PID1: variants seen among roughly 807,000 people sequenced by gnomAD.
PID1 encodes phosphotyrosine interaction domain containing 1.
PID1 carries 10 observed loss-of-function variants against 19.1 expected under a neutral mutation model. The ratio of observed to expected loss-of-function variants is 0.52; its 90% CI spans 0.32 to 0.89. PID1 has a LOEUF of 0.89. Ranked by LOEUF, PID1 falls within the 40% of genes least tolerant of loss-of-function variation. The pLI is 0.03. For missense variants in PID1, 248 were observed against 285.3 expected, an observed-to-expected ratio of 0.87 and a Z score of 0.94; for synonymous variants, 130 against 116.0, an observed-to-expected ratio of 1.12 and a Z score of -0.78.
chr2:229,041,466 C>T lies in PID1; in HGVS notation c.178-15358G>A, dbSNP rs116689737. 6.8e-3 allele frequency among the ~76,000 whole-genome samples: 1,030 copies of T among 152,062 alleles called. 13 individuals carry two copies. Among genetic ancestry groups the T allele is most frequent in the African/African-American group, 0.024 (991 of 41,476 alleles). ...AATTGTAGGAAGAAAAAGAAAAGTT[C>T]CTATACTAGAACACAAACTAATAAA... On this transcript the variant is annotated intron_variant, in intron 2 of 2. Coordinates refer to ENST00000392055, the MANE Select transcript of PID1 (RefSeq NM_001100818.2).
At chr2:229,152,062 C>A (rs1287966581) in intron 2 of PID1, among the ~76,000 whole-genome samples, 1 of 152,174 alleles carries the variant, frequency 6.6e-6, no homozygotes. Context: ...GCTTTCTGGA[C>A]TGCCATAGCA....
intron 1 of PID1, among the ~76,000 whole-genome samples, chr2:229,222,554 G>C (rs766143505): frequency 4.6e-5 from 7 of 152,084 alleles, no homozygotes; most frequent in Non-Finnish European, 1.0e-4. Flanking sequence ...GTTAAACATT[G>C]CTCATGTCTA....
chr2:229,261,800 C>T (rs1052771233), intron 1 of PID1, among the ~76,000 whole-genome samples: 4 of 152,150 alleles, frequency 2.6e-5, no homozygotes, highest in African/African-American at 9.7e-5. Flanking sequence ...AGGCTCCCTG[C>T]CTTCGTCTCA....
chr2:229,258,335 A>G (rs983950013), intron 1 of PID1, among the ~76,000 whole-genome samples: 5 of 152,254 alleles, frequency 3.3e-5, no homozygotes, highest in Non-Finnish European at 5.9e-5. Flanking sequence ...GAGATGGATG[A>G]AAAATGTCAT....
chr2:229,072,594 G>GA (rs71043088), intron 2 of PID1, among the ~76,000 whole-genome samples: 78 of 136,218 alleles, frequency 5.7e-4, no homozygotes, highest in Admixed American at 5.9e-4. Context: ...TCTCAAAAAA[G>GA]AAAAAAAAAA....
intron 1 of PID1, among the ~76,000 whole-genome samples, chr2:229,163,682 C>CGT (rs78599845): frequency 1.9e-5 from 1 of 51,420 alleles, no homozygotes; most frequent in Admixed American, 2.7e-4. Flanking sequence ...TGTGCGTGTG[C>CGT]GTGTGTGTGT....
chr2:229,131,129 T>C (rs1689729853), intron 2 of PID1, among the ~76,000 whole-genome samples: 1 of 152,236 alleles, frequency 6.6e-6, no homozygotes, highest in Non-Finnish European at 1.5e-5. Flanking sequence ...GGGTTAAGAC[T>C]TCAATTCTGA....
Position 229,227,701 on chromosome 2 carries a change from A to G in PID1, c.30+43313T>C, listed in dbSNP as rs1157064321. ...TCTTTCTTCATCCCTAAACATAAAT[A>G]TAGTTGGCCCTCTGTACCTGTGGGT... On this transcript the variant is annotated intron_variant, in intron 1 of 2. Transcript: ENST00000392055. 3.3e-5 allele frequency among the ~76,000 whole-genome samples: 5 copies of G among 152,258 alleles called. No individual in the cohort carries two copies. In the South Asian group the frequency reaches 8.3e-4, roughly 25 times the overall value.
At chr2:229,163,958 T>C (rs1217654289) in intron 1 of PID1, among the ~76,000 whole-genome samples, 1 of 152,198 alleles carries the variant, frequency 6.6e-6, no homozygotes. Flanking sequence ...TTTTCAAAAA[T>C]TGAGATACAT....
intron 2 of PID1, among the ~76,000 whole-genome samples, chr2:229,046,347 AGTGTGTGTGTGTGTGTGTGT>A (rs35091766): frequency 7.1e-6 from 1 of 141,284 alleles, no homozygotes; most frequent in Admixed American, 7.1e-5. Flanking sequence ...AAATTAGGAA[AGTGTGTGTGTGTGTGTGTGT>A]GTGTGTGTGT....
In PID1 at chr2:229,270,955, T is replaced by C. The variant is rs902549168; in HGVS notation, c.30+59A>G. On this transcript the variant is annotated intron_variant, in intron 1 of 2. Transcript: ENST00000392055. ...AAAGTAGGCAGAAGCAAAAACTAGG[T>C]TCCTCTGCCCGGGCACCTCCTCCTC... The C allele has an allele frequency of 7.5e-6, 11 of 1,465,068 alleles. No homozygotes were observed. The African/African-American group carries it at 1.6e-4, about 22-fold the overall frequency. The allele number at this position is 1,465,068 out of a possible 1,614,324, so 90.8% of individuals were successfully genotyped here.
chr2:229,078,185 T>C (rs80342643), intron 2 of PID1, among the ~76,000 whole-genome samples: 1 of 152,240 alleles, frequency 6.6e-6, no homozygotes, highest in Non-Finnish European at 1.5e-5. Flanking sequence ...AGTTTGCTCA[T>C]GATTTGGCTC....
intron 2 of PID1, among the ~76,000 whole-genome samples, chr2:229,141,394 G>A (rs546730516): frequency 1.3e-5 from 2 of 152,172 alleles, no homozygotes; most frequent in East Asian, 3.9e-4. Flanking sequence ...ATAAAGAGGG[G>A]AGAACAGAAG....
chr2:229,099,638 G>A (rs1000217039), intron 2 of PID1, among the ~76,000 whole-genome samples: 1 of 152,118 alleles, frequency 6.6e-6, no homozygotes, highest in Non-Finnish European at 1.5e-5. Context: ...CCAAGAGGAA[G>A]TGGCACTAAG....
intron 2 of PID1, among the ~76,000 whole-genome samples, chr2:229,137,039 C>A (rs968493472): frequency 3.9e-5 from 6 of 152,130 alleles, no homozygotes; most frequent in African/African-American, 1.4e-4. Context: ...GGGAGAAATG[C>A]AAAGGGAAGA....
chr2:229,199,638 A>G (rs373297495), intron 1 of PID1, among the ~76,000 whole-genome samples: 3 of 151,298 alleles, frequency 2.0e-5, no homozygotes, highest in African/African-American at 7.3e-5. Context: ...TCTATAAACT[A>G]TCTCCATGAT....
intron 1 of PID1, among the ~76,000 whole-genome samples, chr2:229,192,112 C>A (rs1691272962): frequency 6.6e-6 from 1 of 151,822 alleles, no homozygotes; most frequent in South Asian, 2.1e-4. Flanking sequence ...GAAAGCCAAA[C>A]CAAAAAAATA....
chr2:229,155,860 C>A lies in PID1; in HGVS notation c.135G>T (p.Thr45=). ...FHEPEAIELC[T]TTPLMKTRTH... is the part of the protein sequence containing the mutation. Reference sequence around the variant, plus strand: ...TCCTTGTCTTCATCAGCGGTGTGGTCGTGCACAGCTCAATGGCCTCCGGCT... The same window carrying A: ...TCCTTGTCTTCATCAGCGGTGTGGTAGTGCACAGCTCAATGGCCTCCGGCT... The change falls in exon 2 of 3, where the codon ACG becomes ACT. Residue 45 remains threonine (T), a synonymous_variant. Transcript: ENST00000392055. The A allele has an allele frequency of 1.2e-6, 2 of 1,613,762 alleles. No individual in the cohort carries two copies. The highest frequency in any genetic ancestry group is 1.1e-5 in the South Asian group (1 of 91,036).
chr2:229,172,781 G>T (rs1690736502), intron 1 of PID1, among the ~76,000 whole-genome samples: 2 of 152,094 alleles, frequency 1.3e-5, no homozygotes, highest in Non-Finnish European at 2.9e-5. Context: ...GCCCAGACAG[G>T]AGTGCAATGG....
Sources: allele counts gnomAD v4.1 joint callset (sites outside exome capture counted in the v4.1 genomes callset), GRCh38; gene constraint gnomAD v4.1.1; transcripts MANE v1.5; gene names NCBI Gene and HGNC (gene_info 2026-07-23, HGNC 2026-07-21).